Variants in PARVB observed in about 807,000 individuals in gnomAD.
PARVB encodes the protein parvin beta.
A neutral mutation model predicts 47.0 loss-of-function variants in PARVB; 46 were observed. That is an observed-to-expected ratio of 0.98 (90% confidence interval 0.77 to 1.25). The LOEUF is 1.25. PARVB is among the 50% of genes most tolerant of loss of function. PARVB has a pLI of 0.00. For synonymous variants in PARVB, 196 were observed against 196.3 expected (o/e 1.00, Z 0.01); for missense variants, 473 against 471.6 (o/e 1.00, Z -0.03).
chr22:44,123,090 C>A (rs1399981714), intron 4 of PARVB, among the ~76,000 whole-genome samples: 1 of 152,214 alleles, frequency 6.6e-6, no homozygotes, highest in East Asian at 1.9e-4. Context: ...CTCTGGCCTT[C>A]CCAGGTCTGT....
chr22:44,110,092 G>A (rs1413273875), intron 3 of PARVB: 5 of 127,668 alleles, frequency 3.9e-5, no homozygotes, highest in East Asian at 2.4e-4. Context: ...CAGCCTGGGC[G>A]ACAGAGCGAG....
At chr22:44,062,162 C>T (rs1026308840) in intron 1 of PARVB, among the ~76,000 whole-genome samples, 6 of 152,274 alleles carry the variant, frequency 3.9e-5, no homozygotes, top group South Asian at 2.1e-4. Context: ...TGCTTCCTGC[C>T]GCACCTGGCA....
At chr22:44,090,631 A>G (rs2052143518) in intron 1 of PARVB, among the ~76,000 whole-genome samples, 1 of 152,208 alleles carries the variant, frequency 6.6e-6, no homozygotes, top group African/African-American at 2.4e-5. Context: ...CCTCAGGCCC[A>G]GGCACATGGG....
At chr22:44,117,682 C>T (rs1388258999) in intron 3 of PARVB, among the ~76,000 whole-genome samples, 8 of 152,200 alleles carry the variant, frequency 5.3e-5, no homozygotes, top group Admixed American at 5.2e-4. Flanking sequence ...GAATGTGCTT[C>T]ACAGAAATTT....
intron 4 of PARVB, among the ~76,000 whole-genome samples, chr22:44,129,892 G>A (rs1220233070): frequency 4.6e-5 from 7 of 152,234 alleles, no homozygotes; most frequent in Non-Finnish European, 1.0e-4. Flanking sequence ...CTGTCCCATA[G>A]TAGGTGTTCA....
intron 1 of PARVB, among the ~76,000 whole-genome samples, chr22:44,028,131 AG>A (rs929514845): frequency 1.3e-5 from 2 of 151,882 alleles, no homozygotes; most frequent in Admixed American, 6.6e-5. Flanking sequence ...GCAAGCTCAT[AG>A]TTTACATTAG....
chr22:44,046,839 C>T (rs943487241), intron 1 of PARVB, among the ~76,000 whole-genome samples: 4 of 152,194 alleles, frequency 2.6e-5, no homozygotes, highest in Admixed American at 2.0e-4. Flanking sequence ...CCAGAGTCTG[C>T]TGACTTGAGC....
intron 1 of PARVB, among the ~76,000 whole-genome samples, chr22:44,036,541 A>G (rs1057148310): frequency 6.6e-6 from 1 of 152,160 alleles, no homozygotes; most frequent in Non-Finnish European, 1.5e-5. Flanking sequence ...ACAAATCTCC[A>G]AAAAATTTTC....
chr22:44,062,838 C>T (rs1455807753), intron 1 of PARVB, among the ~76,000 whole-genome samples: 3 of 151,178 alleles, frequency 2.0e-5, no homozygotes, highest in South Asian at 2.1e-4. Context: ...TTTACCCACC[C>T]GGAAGCTCTC....
intron 1 of PARVB, among the ~76,000 whole-genome samples, chr22:44,044,220 T>C (rs2051072972): frequency 6.7e-6 from 1 of 149,318 alleles, no homozygotes. Flanking sequence ...AGATGGAGTC[T>C]CGCTCTGTTG....
intron 8 of PARVB, chr22:44,145,530 C>T (rs7284573): frequency 0.046 from 7,007 of 152,320 alleles, 542 homozygotes; most frequent in African/African-American, 0.16. Flanking sequence ...ACAGAGGGTC[C>T]CTCCACTGGG....
chr22:44,134,072 A>G (rs1263062954), intron 6 of PARVB, among the ~76,000 whole-genome samples: 1 of 151,612 alleles, frequency 6.6e-6, no homozygotes, highest in African/African-American at 2.4e-5. Context: ...ATCCGGCTCC[A>G]CTTTCCTCTG....
At chr22:44,087,976 G>T (rs1425715369) in intron 1 of PARVB, among the ~76,000 whole-genome samples, 2 of 151,538 alleles carry the variant, frequency 1.3e-5, no homozygotes, top group South Asian at 4.2e-4. Flanking sequence ...GTGGCTGCAT[G>T]CTGGCGACTG....
At chr22:44,040,459 G>A (rs1007621035) in intron 1 of PARVB, among the ~76,000 whole-genome samples, 2 of 152,118 alleles carry the variant, frequency 1.3e-5, no homozygotes, top group Non-Finnish European at 2.9e-5. Flanking sequence ...GGGTTATTTG[G>A]GTGGGCCCAG....
intron 1 of PARVB, among the ~76,000 whole-genome samples, chr22:44,091,897 C>T (rs768988320): frequency 1.3e-5 from 2 of 152,088 alleles, no homozygotes; most frequent in Non-Finnish European, 2.9e-5. Context: ...GAGTGGGTAA[C>T]TGGCATCCTG....
At chr22:44,014,556 A>C (rs1000531816) in intron 2 of PARVB, among the ~76,000 whole-genome samples, 1 of 152,174 alleles carries the variant, frequency 6.6e-6, no homozygotes, top group African/African-American at 2.4e-5. Flanking sequence ...CATCTCATTA[A>C]ATTCTCTCTT....
intron 2 of PARVB, among the ~76,000 whole-genome samples, chr22:44,002,563 G>A (rs539630217): frequency 2.6e-5 from 4 of 152,260 alleles, no homozygotes; most frequent in East Asian, 1.9e-4. Flanking sequence ...TCTGCGCTCC[G>A]TGGGGTGGGT....
At chr22:44,141,852 C>T (rs1291401422) in intron 8 of PARVB, 2 of 152,254 alleles carry the variant, frequency 1.3e-5, no homozygotes, top group Non-Finnish European at 2.9e-5. Context: ...TAAATTGTCT[C>T]TATTATTAAA....
chr22:44,129,884 G>C (rs2053271818), intron 4 of PARVB, among the ~76,000 whole-genome samples: 1 of 152,206 alleles, frequency 6.6e-6, no homozygotes, highest in South Asian at 2.1e-4. Context: ...GACAGTGCCT[G>C]TCCCATAGTA....
Sources: gnomAD v4.1 joint callset for allele counts (sites outside exome capture counted in the v4.1 genomes callset) on GRCh38, gnomAD v4.1.1 for gene constraint, MANE v1.5 for transcripts, NCBI Gene and HGNC (gene_info 2026-07-23, HGNC 2026-07-21) for gene names.